Variants in ASIP observed in about 807,000 individuals in gnomAD.
ASIP encodes the protein agouti-signaling protein.
A neutral mutation model predicts 10.3 loss-of-function variants in ASIP; 11 were observed. The observed-to-expected ratio is 1.07, with a 90% CI of 0.68 to 1.78. The LOEUF is 1.78. ASIP is among the 40% of genes most tolerant of loss of function. The pLI is 0.00. For missense variants in ASIP, 180 were observed against 169.2 expected (o/e 1.06, Z -0.35); for synonymous variants, 70 against 70.8 (o/e 0.99, Z 0.06).
At chr20:34,235,825 GA>G (rs1568755816) in intron 1 of ASIP, among the ~76,000 whole-genome samples, 27 of 62,146 alleles carry the variant, frequency 4.3e-4, no homozygotes, top group African/African-American at 3.5e-3. Flanking sequence ...AAGAAAGAAA[GA>G]AAGAAAGAAA....
upstream of ASIP, chr20:34,241,338 G>C (rs1322532669): frequency 1.8e-6 from 1 of 551,840 alleles, no homozygotes; most frequent in Non-Finnish European, 2.3e-6. Context: ...CTTCCTGCCT[G>C]TGAGATGTGG....
intron 1 of ASIP, among the ~76,000 whole-genome samples, chr20:34,223,356 C>A (rs1233923895): frequency 1.3e-5 from 2 of 150,834 alleles, no homozygotes; most frequent in Non-Finnish European, 3.0e-5. Context: ...TCTGCCCAGC[C>A]GCCCCGTCTG....
intron 1 of ASIP, among the ~76,000 whole-genome samples, chr20:34,247,030 T>C (rs2035388199): frequency 6.6e-6 from 1 of 152,124 alleles, no homozygotes; most frequent in South Asian, 2.1e-4. Flanking sequence ...TCTCACTCTA[T>C]CACCCAGGCT....
intron 1 of ASIP, among the ~76,000 whole-genome samples, chr20:34,248,060 G>A (rs1159558301): frequency 6.6e-6 from 1 of 152,096 alleles, no homozygotes; most frequent in African/African-American, 2.4e-5. Flanking sequence ...AGAAAAATTA[G>A]CCTGGCATGG....
At chr20:34,235,883 AAGGAAGGAAGGAAGGAAAGG>A (rs1356040004) in intron 1 of ASIP, among the ~76,000 whole-genome samples, 5 of 102,382 alleles carry the variant, frequency 4.9e-5, no homozygotes, top group South Asian at 3.9e-4. Flanking sequence ...GGAAGGAAGG[AAGGAAGGAAGGAAGGAAAGG>A]AAGGAAGGAA....
intron 2 of ASIP, 75 bp downstream of exon 2, chr20:34,260,609 C>A: frequency 7.0e-7 from 1 of 1,426,270 alleles, no homozygotes; most frequent in South Asian, 1.4e-5. Context: ...CAGGGTGCTA[C>A]CAGGATCCAC....
intron 1 of ASIP, among the ~76,000 whole-genome samples, chr20:34,253,279 T>C (rs972297132): frequency 6.6e-6 from 1 of 151,328 alleles, no homozygotes; most frequent in Non-Finnish European, 1.5e-5. Flanking sequence ...CTAATTTTTT[T>C]GTATTTTTAG....
upstream of ASIP, among the ~76,000 whole-genome samples, chr20:34,191,668 C>T (rs1321600415): frequency 2.0e-5 from 3 of 151,930 alleles, no homozygotes; most frequent in East Asian, 3.9e-4. Context: ...TCTTTCTTCG[C>T]TTTATTTCCT....
chr20:34,258,778 AG>A (rs1568768965), intron 1 of ASIP, among the ~76,000 whole-genome samples: 2,272 of 100,950 alleles, frequency 0.023, 219 homozygotes, highest in African/African-American at 0.08. Flanking sequence ...TAATATATAT[AG>A]TATATATATA....
chr20:34,191,730 C>CTT (rs58407816), upstream of ASIP, among the ~76,000 whole-genome samples: 1,025 of 125,110 alleles, frequency 8.2e-3, 35 homozygotes, highest in African/African-American at 0.028. Context: ...CTCTCTCTCT[C>CTT]TTTTTTTTTT....
intron 1 of ASIP, among the ~76,000 whole-genome samples, chr20:34,246,968 C>T (rs1568761799): frequency 6.6e-6 from 1 of 151,606 alleles, no homozygotes; most frequent in Non-Finnish European, 1.5e-5. Flanking sequence ...TTTTAGTTGT[C>T]ATTGTTGTTG....
chr20:34,189,080 T>C, the ASIP span, among the ~76,000 whole-genome samples: 1 of 152,128 alleles, frequency 6.6e-6, no homozygotes, highest in Non-Finnish European at 1.5e-5. Context: ...CATTTAGACT[T>C]TTTGAGTATT....
At chr20:34,225,350 T>TAGAAA (rs2035085670) in intron 1 of ASIP, among the ~76,000 whole-genome samples, 1 of 150,960 alleles carries the variant, frequency 6.6e-6, no homozygotes, top group African/African-American at 2.4e-5. Flanking sequence ...GCACCTTTGT[T>TAGAAA]ATATAGAAAA....
At chr20:34,247,073 G>A (rs565796006) in intron 1 of ASIP, among the ~76,000 whole-genome samples, 111 of 150,932 alleles carry the variant, frequency 7.4e-4, no homozygotes, top group Non-Finnish European at 1.4e-3. Context: ...GCTCACCACA[G>A]CCTCAACCTC....
upstream of ASIP, among the ~76,000 whole-genome samples, chr20:34,192,079 T>A (rs921900910): frequency 6.6e-6 from 1 of 151,688 alleles, no homozygotes; most frequent in Non-Finnish European, 1.5e-5. Context: ...TTCGCTCTTG[T>A]TGCCCATGGT....
chr20:34,239,816 C>G (rs1488218680), upstream of ASIP, among the ~76,000 whole-genome samples: 1 of 152,178 alleles, frequency 6.6e-6, no homozygotes, highest in Non-Finnish European at 1.5e-5. Flanking sequence ...CATCCCCTAT[C>G]CCACTCTTCT....
upstream of ASIP, among the ~76,000 whole-genome samples, chr20:34,238,906 G>A (rs1174436434): frequency 6.6e-6 from 1 of 152,106 alleles, no homozygotes; most frequent in Non-Finnish European, 1.5e-5. Flanking sequence ...CCTTCACCTA[G>A]AAGTTGCAAG....
chr20:34,200,638 G>A (rs1209243009), intron 1 of ASIP, among the ~76,000 whole-genome samples: 1 of 152,236 alleles, frequency 6.6e-6, no homozygotes, highest in Middle Eastern at 3.2e-3. Context: ...TTGTGTGTAT[G>A]TAGTAGTTAC....
At chr20:34,208,070 C>A (rs2034949178) in intron 1 of ASIP, among the ~76,000 whole-genome samples, 1 of 152,184 alleles carries the variant, frequency 6.6e-6, no homozygotes, top group Non-Finnish European at 1.5e-5. Flanking sequence ...AGCCACCACA[C>A]CCGGCCTCCA....
Sources: allele counts gnomAD v4.1 joint callset (sites outside exome capture counted in the v4.1 genomes callset), GRCh38; gene constraint gnomAD v4.1.1; transcripts MANE v1.5; gene names NCBI Gene and HGNC (gene_info 2026-07-23, HGNC 2026-07-21).